The following SYTL3 variants were observed in gnomAD, a reference collection of about 807,000 sequenced individuals.
SYTL3 encodes synaptotagmin-like protein 3.
In SYTL3, 88 loss-of-function variants were observed where a neutral mutation model predicts 82.1. The observed-to-expected ratio is 1.07, with a 90% CI of 0.90 to 1.28. SYTL3 has a LOEUF of 1.28. SYTL3 is among the 50% of genes most tolerant of loss of function. The probability of loss-of-function intolerance (pLI) is 0.00; values close to 1 mark genes in which losing one functional copy is unlikely to be tolerated. For synonymous variants in SYTL3, 311 were observed against 289.4 expected, an observed-to-expected ratio of 1.07 and a Z score of -0.76; for missense variants, 831 against 757.6, an observed-to-expected ratio of 1.10 and a Z score of -1.14.
upstream of SYTL3, among the ~76,000 whole-genome samples, chr6:158,649,079 A>G (rs1583096082): frequency 6.6e-6 from 1 of 152,156 alleles, no homozygotes; most frequent in Non-Finnish European, 1.5e-5. Context: ...TCCAATAACT[A>G]AAGGATAACT....
rs1387088050 is a variant in SYTL3, at chr6:158,762,094, T to C, written c.1433T>C (p.Leu478Pro). The part of the protein sequence containing the change: ...EAQEGTDQPS[L>P]HGQLCLVVLG... ...CTTCCAGGGACAGATCAGCCATCAC[T>C]TCATGGTCAACTTTGTTTGGTAGTG... Residue 478 changes from leucine (L) to proline (P), a missense_variant, in exon 16 of 18, where the codon CTT becomes CCT. Physicochemically the swap from Leu to Pro is moderately conservative, Grantham distance 98 (BLOSUM62 -3). Transcript: ENST00000611299. The C allele has an allele frequency of 3.1e-6, 5 of 1,613,874 alleles. No individual in the cohort carries two copies. Among genetic ancestry groups the C allele is most frequent in the Non-Finnish European group, 4.2e-6 (5 of 1,179,922 alleles).
intron 10 of SYTL3, among the ~76,000 whole-genome samples, chr6:158,721,529 G>T (rs1039287095): frequency 6.6e-6 from 1 of 151,650 alleles, no homozygotes; most frequent in Non-Finnish European, 1.5e-5. Flanking sequence ...CTGTTATAAG[G>T]GACAATTTAG....
At chr6:158,761,046 C>T (rs146274032) in intron 15 of SYTL3, among the ~76,000 whole-genome samples, 311 of 152,206 alleles carry the variant, frequency 2.0e-3, no homozygotes, top group African/African-American at 7.2e-3. Flanking sequence ...CTGGGGAAAC[C>T]GTGGCCCCTC....
In SYTL3 at chr6:158,672,346, C is replaced by T. The variant is rs530631512; in HGVS notation, c.329+6733C>T. 2.0e-5 allele frequency among the ~76,000 whole-genome samples: 3 copies of T among 152,226 alleles called. No homozygotes were observed. In the South Asian group the frequency reaches 6.2e-4, roughly 32 times the overall value. On this transcript the variant is annotated intron_variant, in intron 5 of 17. Transcript: ENST00000611299. Reference sequence around the variant, plus strand: ...GAGTGGTGTATTTTCCACGTCATTGCGTATTTGAGAGTTGCTTTCCGTGGT... The same window carrying T: ...GAGTGGTGTATTTTCCACGTCATTGTGTATTTGAGAGTTGCTTTCCGTGGT...
intron 11 of SYTL3, among the ~76,000 whole-genome samples, chr6:158,728,051 T>C (rs1191461779): frequency 6.6e-6 from 1 of 152,224 alleles, no homozygotes; most frequent in African/African-American, 2.4e-5. Flanking sequence ...TTCATACATA[T>C]GGGAGTAATA....
chr6:158,763,511 T>A lies in SYTL3; in HGVS notation c.1723+2T>A, dbSNP rs1790291788. ...TTGGAGGAACCAGACTTGGTTCAAG[T>A]AAGTCTGAGACATTGAGCCCAAACG... is the stretch of plus-strand genomic sequence containing the variant. On this transcript the variant is annotated splice_donor_variant, in intron 17 of 17. Transcript: ENST00000611299. LOFTEE classifies it high-confidence loss of function. 1.2e-6 allele frequency: 2 copies of A among 1,612,812 alleles called. No homozygotes were observed. Among genetic ancestry groups the A allele is most frequent in the African/African-American group, 2.7e-5 (2 of 75,008 alleles).
intron 11 of SYTL3, among the ~76,000 whole-genome samples, chr6:158,737,360 T>G (rs1056286510): frequency 9.2e-5 from 14 of 152,236 alleles, no homozygotes; most frequent in African/African-American, 3.1e-4. Flanking sequence ...GCAAAAATGT[T>G]CTCAGTGTGT....
intron 5 of SYTL3, among the ~76,000 whole-genome samples, chr6:158,674,725 C>T (rs1777830574): frequency 6.6e-6 from 1 of 152,204 alleles, no homozygotes; most frequent in South Asian, 2.1e-4. Flanking sequence ...TTCCTAATTT[C>T]ATTGACTGGT....
intron 14 of SYTL3, among the ~76,000 whole-genome samples, chr6:158,758,342 G>A (rs1476720819): frequency 6.6e-6 from 1 of 151,902 alleles, no homozygotes; most frequent in Non-Finnish European, 1.5e-5. Context: ...GGAGGCTGAG[G>A]CAGAAGAATC....
At chr6:158,740,978 A>G (rs530483046) in intron 11 of SYTL3, among the ~76,000 whole-genome samples, 1 of 152,282 alleles carries the variant, frequency 6.6e-6, no homozygotes, top group Admixed American at 6.5e-5. Context: ...AAGTTCTCAC[A>G]ATGCTTGAAG....
intron 4 of SYTL3, chr6:158,663,698 C>A: frequency 1.3e-6 from 1 of 771,008 alleles, no homozygotes; most frequent in Non-Finnish European, 1.6e-6. Flanking sequence ...CATTTTCAGG[C>A]TTCCAGTTTA....
intron 6 of SYTL3, among the ~76,000 whole-genome samples, chr6:158,691,200 A>G (rs1779821939): frequency 1.3e-5 from 2 of 152,106 alleles, no homozygotes; most frequent in Admixed American, 1.3e-4. Flanking sequence ...TACAAAAATT[A>G]GCTGGACATG....
chr6:158,697,449 C>T (rs1780679811), intron 6 of SYTL3, among the ~76,000 whole-genome samples: 1 of 149,360 alleles, frequency 6.7e-6, no homozygotes, highest in Non-Finnish European at 1.5e-5. Flanking sequence ...ATCAGTCAAT[C>T]AATCAGGGGG....
At chr6:158,726,225 A>G in intron 11 of SYTL3, 1 of 434,742 alleles carries the variant, frequency 2.3e-6, no homozygotes, top group Non-Finnish European at 4.5e-6. Flanking sequence ...ACCATCTGTC[A>G]AAGAGGCCTG....
At chr6:158,717,196 C>T (rs533393275) in intron 9 of SYTL3, among the ~76,000 whole-genome samples, 2 of 152,246 alleles carry the variant, frequency 1.3e-5, no homozygotes, top group South Asian at 2.1e-4. Context: ...ATCACTTGAA[C>T]CCAGGAGGCG....
chr6:158,667,756 AAACC>A (rs1467127264), intron 5 of SYTL3, among the ~76,000 whole-genome samples: 1 of 152,216 alleles, frequency 6.6e-6, no homozygotes, highest in Admixed American at 6.5e-5. Flanking sequence ...GCAATGACCA[AAACC>A]AACCAACCAA....
At chr6:158,680,370 C>T (rs992120979) in intron 5 of SYTL3, among the ~76,000 whole-genome samples, 2 of 152,140 alleles carry the variant, frequency 1.3e-5, no homozygotes, top group Admixed American at 1.3e-4. Context: ...AAACTTTTCC[C>T]TGTCTTTGTA....
intron 14 of SYTL3, 106 bp downstream of exon 14, chr6:158,757,487 C>T: frequency 7.9e-7 from 1 of 1,258,324 alleles, no homozygotes; most frequent in Non-Finnish European, 1.1e-6. Flanking sequence ...GACTTGGACC[C>T]AAGACTGTGT....
intron 5 of SYTL3, among the ~76,000 whole-genome samples, chr6:158,681,971 C>G (rs1031471129): frequency 3.3e-5 from 5 of 152,194 alleles, no homozygotes; most frequent in African/African-American, 1.2e-4. Context: ...GAGGCCTGCT[C>G]TGTCACCCAG....
Sources: gnomAD v4.1 joint callset for allele counts (sites outside exome capture counted in the v4.1 genomes callset) on GRCh38, gnomAD v4.1.1 for gene constraint, MANE v1.5 for transcripts, NCBI Gene and HGNC (gene_info 2026-07-23, HGNC 2026-07-21) for gene names.